Variants in FAM81A observed in about 807,000 individuals in gnomAD.
FAM81A encodes the protein protein FAM81A.
A neutral mutation model predicts 46.7 loss-of-function variants in FAM81A; 19 were observed. The ratio of observed to expected loss-of-function variants is 0.41; its 90% confidence interval spans 0.28 to 0.60. The LOEUF (loss-of-function observed/expected upper bound fraction) is 0.60. FAM81A is among the 20% of genes least tolerant of loss of function. The pLI is 0.34. For synonymous variants in FAM81A, 183 were observed against 152.9 expected, an observed-to-expected ratio of 1.20 and a Z score of -1.45; for missense variants, 377 against 453.5, an observed-to-expected ratio of 0.83 and a Z score of 1.53.
intron 3 of FAM81A, among the ~76,000 whole-genome samples, chr15:59,474,660 A>C (rs1430985898): frequency 6.6e-6 from 1 of 152,186 alleles, no homozygotes; most frequent in African/African-American, 2.4e-5. Flanking sequence ...TATTAAGTGA[A>C]TAAATGCCCA....
At chr15:59,492,476 C>A in intron 4 of FAM81A, 87 bp downstream of exon 4, 1 of 1,052,652 alleles carries the variant, frequency 9.5e-7, no homozygotes, top group South Asian at 1.4e-5. Context: ...AATGAAGCCC[C>A]AAAGCAAATG....
intron 1 of FAM81A, chr15:59,438,956 T>C (rs1174583785): frequency 6.6e-6 from 1 of 152,164 alleles, no homozygotes; most frequent in East Asian, 1.9e-4. Flanking sequence ...ATGAACAAAA[T>C]CAGGATTAAT....
At chr15:59,457,188 A>G (rs1283330262) in intron 1 of FAM81A, among the ~76,000 whole-genome samples, 4 of 152,216 alleles carry the variant, frequency 2.6e-5, no homozygotes, top group Admixed American at 2.6e-4. Flanking sequence ...AATTCTAGAA[A>G]TAAACAATTC....
chr15:59,477,118 T>G (rs2081781556), intron 3 of FAM81A, among the ~76,000 whole-genome samples: 1 of 143,000 alleles, frequency 7.0e-6, no homozygotes, highest in African/African-American at 2.6e-5. Context: ...AGACTCTGAC[T>G]CAAAAAAAAA....
At chr15:59,517,395 C>T (rs1470069844) in intron 8 of FAM81A, among the ~76,000 whole-genome samples, 1 of 152,070 alleles carries the variant, frequency 6.6e-6, no homozygotes, top group Non-Finnish European at 1.5e-5. Flanking sequence ...TGGAAGGTAC[C>T]CGAAGACAGA....
intron 3 of FAM81A, among the ~76,000 whole-genome samples, chr15:59,484,652 A>T (rs1257761813): frequency 1.3e-5 from 2 of 152,128 alleles, no homozygotes; most frequent in African/African-American, 2.4e-5. Context: ...CTTGGGTAAG[A>T]CTCAGACATT....
intron 2 of FAM81A, among the ~76,000 whole-genome samples, chr15:59,431,214 C>G (rs949205930): frequency 1.3e-5 from 2 of 151,952 alleles, no homozygotes; most frequent in Non-Finnish European, 2.9e-5. Context: ...ATAGTCCTAA[C>G]AATTCCCTTT....
chr15:59,499,190 GAAAT>G (rs2082065165), intron 4 of FAM81A, among the ~76,000 whole-genome samples: 1 of 151,956 alleles, frequency 6.6e-6, no homozygotes, highest in Admixed American at 6.6e-5. Flanking sequence ...TTGCATTCTT[GAAAT>G]AAATCTCACT....
At chr15:59,490,944 A>G (rs1476654031) in intron 3 of FAM81A, among the ~76,000 whole-genome samples, 4 of 152,248 alleles carry the variant, frequency 2.6e-5, no homozygotes, top group African/African-American at 9.6e-5. Context: ...GAGAAAAGGG[A>G]GCACTCATAC....
chr15:59,508,244 A>G (rs2082169604), intron 5 of FAM81A, among the ~76,000 whole-genome samples: 1 of 152,238 alleles, frequency 6.6e-6, no homozygotes, highest in Non-Finnish European at 1.5e-5. Flanking sequence ...ATCAAAAGAG[A>G]CATTCTTTCT....
chr15:59,464,935 T>A (rs1428694117), intron 3 of FAM81A, among the ~76,000 whole-genome samples: 1 of 152,234 alleles, frequency 6.6e-6, no homozygotes, highest in Non-Finnish European at 1.5e-5. Context: ...TCTAGTAGTT[T>A]TATCATGTTG....
chr15:59,492,282 G>T lies in FAM81A; in HGVS notation c.306G>T (p.Glu102Asp). 2 of 1,612,530 alleles carry T rather than the reference G, an allele frequency of 1.2e-6. No homozygotes were observed. The highest frequency in any genetic ancestry group is 1.1e-5 in the South Asian group (1 of 90,712). Reference sequence around the variant, plus strand: ...TTTATGTTGCCCAGGTACTCCAGGAGCAGATTCGTGCCCGGGACAACATTA... The same window carrying T: ...TTTATGTTGCCCAGGTACTCCAGGATCAGATTCGTGCCCGGGACAACATTA... Reference protein sequence around the residue: ...QLNRDIEVLQEQIRARDNISY... With the variant: ...QLNRDIEVLQDQIRARDNISY... The change falls in exon 4 of 9, where the codon GAG becomes GAT. Residue 102 changes from glutamate (E) to aspartate (D), a missense_variant. Glu to Asp is a conservative substitution (Grantham distance 45). Transcript: ENST00000288228.
intron 2 of FAM81A, among the ~76,000 whole-genome samples, chr15:59,458,888 C>T (rs1176594509): frequency 1.3e-5 from 2 of 152,224 alleles, no homozygotes; most frequent in African/African-American, 4.8e-5. Flanking sequence ...AATATAACTC[C>T]GGGGGCTTCA....
chr15:59,456,009 A>G (rs1401188353), intron 1 of FAM81A, among the ~76,000 whole-genome samples: 2 of 152,234 alleles, frequency 1.3e-5, no homozygotes. Context: ...AAGATTTGAA[A>G]CATGCCTGTA....
intron 2 of FAM81A, among the ~76,000 whole-genome samples, chr15:59,424,623 A>G (rs1033505274): frequency 6.6e-6 from 1 of 152,176 alleles, no homozygotes; most frequent in Non-Finnish European, 1.5e-5. Flanking sequence ...AGAGTTCTCC[A>G]TTTCATAAAT....
At chr15:59,471,509 C>A (rs1037756282) in intron 3 of FAM81A, among the ~76,000 whole-genome samples, 1 of 151,880 alleles carries the variant, frequency 6.6e-6, no homozygotes, top group African/African-American at 2.4e-5. Context: ...GTTACCCAGG[C>A]TGGAGTGCAG....
chr15:59,438,026 G>C (rs552599753), upstream of FAM81A: 2 of 150,630 alleles, frequency 1.3e-5, no homozygotes. Context: ...CCTCCAGCTC[G>C]GGCTGCCACG....
At chr15:59,452,440 A>AG (rs1372713551) in intron 1 of FAM81A, among the ~76,000 whole-genome samples, 1 of 152,126 alleles carries the variant, frequency 6.6e-6, no homozygotes, top group African/African-American at 2.4e-5. Context: ...TGAGGCTGGG[A>AG]GTTTGAGGCC....
chr15:59,454,048 C>T (rs1298064064), intron 1 of FAM81A, among the ~76,000 whole-genome samples: 4 of 152,200 alleles, frequency 2.6e-5, no homozygotes, highest in Non-Finnish European at 2.9e-5. Context: ...GTCCAAAGGC[C>T]TGAGGGTGCT....
Sources: allele counts gnomAD v4.1 joint callset (sites outside exome capture counted in the v4.1 genomes callset), GRCh38; gene constraint gnomAD v4.1.1; transcripts MANE v1.5; gene names NCBI Gene and HGNC (gene_info 2026-07-23, HGNC 2026-07-21).